ARID2: variants seen among roughly 807,000 people sequenced by gnomAD.
The protein encoded by ARID2 is AT-rich interaction domain 2.
In ARID2, 32 loss-of-function variants were observed where a neutral mutation model predicts 184.6. That is an observed-to-expected ratio of 0.17 (90% CI 0.13 to 0.23). ARID2 has a LOEUF of 0.23. ARID2 is among the 10% of genes least tolerant of loss of function. The probability of loss-of-function intolerance (pLI) is 1.00; values close to 1 mark genes in which losing one functional copy is unlikely to be tolerated. For missense variants in ARID2, 1,696 were observed against 2,197.6 expected, an observed-to-expected ratio of 0.77 and a Z score of 4.56; for synonymous variants, 836 against 772.6, an observed-to-expected ratio of 1.08 and a Z score of -1.36.
chr12:45,874,331 TAA>T (rs758087161), intron 16 of ARID2: 345 of 153,656 alleles, frequency 2.2e-3, no homozygotes, highest in South Asian at 5.6e-3. Context: ...CCCTGTCTCT[TAA>T]AAAAAAAAAA....
At chr12:45,730,230 T>G (rs1940954079) in intron 2 of ARID2, 93 bp downstream of exon 2, 1 of 1,274,138 alleles carries the variant, frequency 7.8e-7, no homozygotes, top group African/African-American at 1.5e-5. Flanking sequence ...GCTGGGGGGG[T>G]GGCCCGCGGG....
intron 6 of ARID2, among the ~76,000 whole-genome samples, chr12:45,829,013 G>A (rs1276529146): frequency 6.6e-6 from 1 of 152,008 alleles, no homozygotes; most frequent in East Asian, 1.9e-4. Flanking sequence ...GTCAAAAACA[G>A]AATGTGTTTT....
intron 11 of ARID2, chr12:45,845,930 A>G (rs1943431802): frequency 6.6e-6 from 1 of 152,204 alleles, no homozygotes; most frequent in Admixed American, 6.5e-5. Flanking sequence ...TTTATTTACA[A>G]ATATATGATT....
intron 3 of ARID2, among the ~76,000 whole-genome samples, chr12:45,786,490 G>A (rs777530640): frequency 6.6e-6 from 1 of 152,132 alleles, no homozygotes; most frequent in Non-Finnish European, 1.5e-5. Flanking sequence ...TTTATTCTGT[G>A]GGACCTGTAC....
At chr12:45,872,318 A>C (rs1247164224) in intron 16 of ARID2, among the ~76,000 whole-genome samples, 2 of 152,062 alleles carry the variant, frequency 1.3e-5, no homozygotes, top group African/African-American at 4.8e-5. Context: ...ATTATGTTGT[A>C]TTTTCATTTT....
intron 3 of ARID2, among the ~76,000 whole-genome samples, chr12:45,752,971 T>C (rs909372117): frequency 6.6e-6 from 1 of 152,180 alleles, no homozygotes; most frequent in Non-Finnish European, 1.5e-5. Flanking sequence ...CATTAAAAGT[T>C]TTTTTCCAGC....
chr12:45,835,203 G>C (rs1943196070), intron 6 of ARID2, among the ~76,000 whole-genome samples: 1 of 151,840 alleles, frequency 6.6e-6, no homozygotes, highest in South Asian at 2.1e-4. Flanking sequence ...TTTCTTTTTA[G>C]TTCTTTCATA....
chr12:45,845,856 A>G (rs1048284385), intron 11 of ARID2: 9 of 152,184 alleles, frequency 5.9e-5, no homozygotes, highest in Non-Finnish European at 8.8e-5. Flanking sequence ...GCCGTGTCAC[A>G]TAGCAAGTTT....
chr12:45,828,495 C>G (rs1943047036), intron 6 of ARID2, among the ~76,000 whole-genome samples: 1 of 151,900 alleles, frequency 6.6e-6, no homozygotes, highest in Non-Finnish European at 1.5e-5. Flanking sequence ...GTGTTAATTG[C>G]TAGGTCATAG....
chr12:45,730,612 G>A (rs538455954), intron 2 of ARID2, among the ~76,000 whole-genome samples: 3 of 152,004 alleles, frequency 2.0e-5, no homozygotes. Flanking sequence ...GTTTAACATC[G>A]ATAATCGGCT....
chr12:45,858,874 C>G (rs1040314306), intron 15 of ARID2, among the ~76,000 whole-genome samples: 1 of 152,164 alleles, frequency 6.6e-6, no homozygotes, highest in Non-Finnish European at 1.5e-5. Flanking sequence ...ATTGTAAAAT[C>G]TTAAGAGTGG....
intron 16 of ARID2, among the ~76,000 whole-genome samples, chr12:45,891,563 T>C (rs972616956): frequency 6.6e-6 from 1 of 152,254 alleles, no homozygotes; most frequent in African/African-American, 2.4e-5. Context: ...GATAATGTTC[T>C]ATGGTGTTTT....
chr12:45,840,738 T>C lies in ARID2; in HGVS notation c.1498+1242T>C, dbSNP rs150651513. The C allele has an allele frequency of 1.4e-3, 212 of 152,338 alleles. 1 individual carries two copies. Among genetic ancestry groups the C allele is most frequent in the African/African-American group, 4.9e-3 (205 of 41,586 alleles). The allele number at this position is 152,338 out of a possible 1,614,324, so 9.4% of individuals were successfully genotyped here. On this transcript the variant is annotated intron_variant, in intron 11 of 20. Transcript: ENST00000334344. Reference sequence around the variant, plus strand: ...AGCTATCTGTTCTCACGTTCATTCATGGTCCCAATTTGTCTTCTACTCCAA... The same window carrying C: ...AGCTATCTGTTCTCACGTTCATTCACGGTCCCAATTTGTCTTCTACTCCAA...
At chr12:45,757,656 T>C (rs1941594426) in intron 3 of ARID2, among the ~76,000 whole-genome samples, 1 of 152,204 alleles carries the variant, frequency 6.6e-6, no homozygotes, top group African/African-American at 2.4e-5. Flanking sequence ...ACAGTTAACA[T>C]TCATTACTAG....
rs549289645 is a variant in ARID2, at chr12:45,861,296, A to G, written c.4922+347A>G. On this transcript the variant is annotated intron_variant, in intron 16 of 20. Transcript: ENST00000334344. ...AAGTGGCTTGAACTTAGTGGCAGCT[A>G]TAGTATTTCCATATAGTAGAAACTT... is the stretch of plus-strand genomic sequence containing the variant. Among the ~76,000 whole-genome samples, 20 of 152,272 alleles carry G rather than the reference A, an allele frequency of 1.3e-4. No individual in the cohort carries two copies. In the East Asian group the frequency reaches 3.9e-3, roughly 29 times the overall value.
At chr12:45,795,283 T>C (rs1942369001) in intron 3 of ARID2, among the ~76,000 whole-genome samples, 1 of 152,136 alleles carries the variant, frequency 6.6e-6, no homozygotes, top group Admixed American at 6.5e-5. Context: ...TCACCTCAAG[T>C]CTACTCCTGT....
rs769648999 is a variant in ARID2 at position 45,851,823 on chromosome 12, A to C, written c.3700A>C (p.Thr1234Pro). 6.2e-7 allele frequency: 1 copy of C among 1,614,016 alleles called. No homozygotes were observed. The highest frequency in any genetic ancestry group is 2.2e-5 in the East Asian group (1 of 44,872). Reference protein sequence around the residue: ...PAGQSSCTTATPPFKGDKIIC... With the variant: ...PAGQSSCTTAPPPFKGDKIIC... The stretch of plus-strand genomic sequence containing the variant: ...TGGACAATCATCATGTACTACTGCT[A>C]CTCCCCCATTCAAAGGTGATAAAAT... The change falls in exon 15 of 21, where the codon ACT becomes CCT. Residue 1234 changes from threonine to proline, a missense_variant. By Grantham distance (38) the Thr-to-Pro change is conservative. Coordinates refer to ENST00000334344, the MANE Select transcript of ARID2 (RefSeq NM_152641.4).
At chr12:45,842,438 T>A (rs1045395371) in intron 11 of ARID2, among the ~76,000 whole-genome samples, 1 of 151,726 alleles carries the variant, frequency 6.6e-6, no homozygotes, top group African/African-American at 2.4e-5. Context: ...CATCAAATAG[T>A]AAATACATTG....
intron 3 of ARID2, among the ~76,000 whole-genome samples, chr12:45,773,666 A>G (rs1941920296): frequency 6.6e-6 from 1 of 152,140 alleles, no homozygotes; most frequent in Non-Finnish European, 1.5e-5. Flanking sequence ...GAAAGATACA[A>G]ACTACCAAAA....
Sources: gnomAD v4.1 joint callset for allele counts (sites outside exome capture counted in the v4.1 genomes callset) on GRCh38, gnomAD v4.1.1 for gene constraint, MANE v1.5 for transcripts, NCBI Gene and HGNC (gene_info 2026-07-23, HGNC 2026-07-21) for gene names.